The following HEXB variants were observed in gnomAD, a reference collection of about 807,000 sequenced individuals.
HEXB encodes hexosaminidase subunit beta.
Under a neutral mutation model 71.2 loss-of-function variants are expected in HEXB, and 51 were observed. The observed-to-expected ratio is 0.72, with a 90% CI of 0.57 to 0.90. HEXB has a LOEUF of 0.90. Among genes scored for constraint, HEXB ranks in the 40% least tolerant of loss-of-function variants. The pLI, the probability that HEXB is intolerant of heterozygous loss-of-function variation, is 0.00. For synonymous variants in HEXB, 266 were observed against 249.3 expected (o/e 1.07, Z -0.63); for missense variants, 617 against 677.0 (o/e 0.91, Z 0.98).
At chr5:74,664,074 G>C (rs542657969) in intron 1 of HEXB, among the ~76,000 whole-genome samples, 1 of 152,072 alleles carries the variant, frequency 6.6e-6, no homozygotes, top group African/African-American at 2.4e-5. Context: ...TGACTAACAT[G>C]GTGAAACCCC....
At chr5:74,653,558 A>G (rs1748162746) in intron 1 of HEXB, among the ~76,000 whole-genome samples, 1 of 152,184 alleles carries the variant, frequency 6.6e-6, no homozygotes, top group African/African-American at 2.4e-5. Context: ...ACTTTAAACC[A>G]TTAAATACAT....
intron 5 of HEXB, among the ~76,000 whole-genome samples, chr5:74,701,230 C>A (rs570003835): frequency 6.6e-6 from 1 of 152,190 alleles, no homozygotes; most frequent in East Asian, 1.9e-4. Flanking sequence ...TCCTTTCTAT[C>A]ATTTTTGGCT....
At chr5:74,695,744 G>A (rs1398324186) in intron 3 of HEXB, among the ~76,000 whole-genome samples, 1 of 151,068 alleles carries the variant, frequency 6.6e-6, no homozygotes, top group Non-Finnish European at 1.5e-5. Flanking sequence ...GGGAGGCTGA[G>A]GCAGGAGAAG....
upstream of HEXB, among the ~76,000 whole-genome samples, chr5:74,681,536 ATAGTGAGAC>A (rs772728250): frequency 2.6e-5 from 4 of 152,202 alleles, no homozygotes; most frequent in Non-Finnish European, 5.9e-5. Context: ...CCTGAGTAAC[ATAGTGAGAC>A]CCCATTTCTA....
intron 1 of HEXB, among the ~76,000 whole-genome samples, chr5:74,675,487 T>TA (rs1421504358): frequency 1.3e-5 from 2 of 152,134 alleles, no homozygotes; most frequent in African/African-American, 4.8e-5. Flanking sequence ...GAGGCTCCAC[T>TA]AGTTCTCTTT....
intron 1 of HEXB, among the ~76,000 whole-genome samples, chr5:74,659,339 C>T (rs937040638): frequency 6.6e-6 from 1 of 152,174 alleles, no homozygotes; most frequent in African/African-American, 2.4e-5. Flanking sequence ...GCCAGGAGCA[C>T]ATTAAGCTTG....
chr5:74,702,150 C>T (rs1259097768), intron 5 of HEXB, among the ~76,000 whole-genome samples: 1 of 132,414 alleles, frequency 7.6e-6, no homozygotes, highest in Non-Finnish European at 1.6e-5. Flanking sequence ...GGGATCTCGG[C>T]TCACTGCAAG....
chr5:74,713,641 G>T lies in HEXB; in HGVS notation c.901+6G>T, dbSNP rs1749606069. 1 of 1,609,978 alleles carries T rather than the reference G, an allele frequency of 6.2e-7. No homozygotes were observed. The highest frequency in any genetic ancestry group is 8.5e-7 in the Non-Finnish European group (1 of 1,176,414). Reference sequence around the variant, plus strand: ...TACACTATCTTGGGGAAAAGGTAAGGAGTTGTATTTTATTTCATTTTATCT... The same window carrying T: ...TACACTATCTTGGGGAAAAGGTAAGTAGTTGTATTTTATTTCATTTTATCT... On this transcript the variant is annotated splice_donor_region_variant and intron_variant, in intron 7 of 13. Coordinates refer to ENST00000261416, the MANE Select transcript of HEXB (RefSeq NM_000521.4).
intron 2 of HEXB, among the ~76,000 whole-genome samples, chr5:74,691,572 A>T (rs1170209304): frequency 6.6e-6 from 1 of 152,236 alleles, no homozygotes; most frequent in Non-Finnish European, 1.5e-5. Context: ...CTGTATAATT[A>T]TGTGTAGAGG....
At chr5:74,695,413 C>T (rs1461286032) in intron 3 of HEXB, among the ~76,000 whole-genome samples, 2 of 151,072 alleles carry the variant, frequency 1.3e-5, no homozygotes, top group Non-Finnish European at 3.0e-5. Context: ...CTGTGTTAGC[C>T]AGGATGGTCT....
chr5:74,681,540 T>G (rs1748739364), upstream of HEXB, among the ~76,000 whole-genome samples: 4 of 152,176 alleles, frequency 2.6e-5, no homozygotes, highest in South Asian at 2.1e-4. Flanking sequence ...AGTAACATAG[T>G]GAGACCCCAT....
intron 5 of HEXB, among the ~76,000 whole-genome samples, chr5:74,699,418 G>A (rs555095396): frequency 6.6e-6 from 1 of 151,982 alleles, no homozygotes; most frequent in African/African-American, 2.4e-5. Flanking sequence ...GGGATTACAG[G>A]TGCCCACCAC....
rs1749050148 is a variant in HEXB, at chr5:74,693,665, G to A, written c.472G>A (p.Ala158Thr). The A allele has an allele frequency of 6.2e-7, 1 of 1,612,880 alleles. No individual in the cohort carries two copies. The highest frequency in any genetic ancestry group is 8.5e-7 in the Non-Finnish European group (1 of 1,178,918). ...SYTLLVKEPV[A>T]VLKANRVWGA... is the part of the protein sequence containing the mutation. ...TACTTTACTTGTGAAAGAACCAGTG[G>A]CTGTCCTTAAGGCCAACAGAGTTTG... is the stretch of plus-strand genomic sequence containing the variant. The change falls in exon 3 of 14, where the codon GCT becomes ACT. Residue 158 changes from alanine to threonine, a missense_variant. By Grantham distance (58) the Ala-to-Thr change is moderately conservative. Transcript: ENST00000261416.
intron 1 of HEXB, among the ~76,000 whole-genome samples, chr5:74,664,139 C>T (rs573114464): frequency 3.9e-5 from 6 of 152,030 alleles, no homozygotes; most frequent in Admixed American, 2.6e-4. Flanking sequence ...GCCTGTAATC[C>T]GAGCTACTTG....
At chr5:74,719,017 G>A (rs1749745206) in intron 11 of HEXB, 46 bp downstream of exon 11, 1 of 1,575,410 alleles carries the variant, frequency 6.3e-7, no homozygotes, top group South Asian at 1.1e-5. Flanking sequence ...CTGTGAAGCT[G>A]ATGGTAAGTG....
intron 7 of HEXB, 129 bp downstream of exon 7, chr5:74,713,764 A>G (rs2112172344): frequency 1.3e-6 from 1 of 748,682 alleles, no homozygotes; most frequent in East Asian, 2.8e-5. Context: ...CCCAGGATCA[A>G]GCGATTCTCC....
intron 1 of HEXB, among the ~76,000 whole-genome samples, chr5:74,648,268 A>G (rs1748037254): frequency 6.6e-6 from 1 of 152,202 alleles, no homozygotes; most frequent in Admixed American, 6.5e-5. Flanking sequence ...ATTATCCCAA[A>G]TGGTCCAAGC....
intron 1 of HEXB, among the ~76,000 whole-genome samples, chr5:74,666,482 C>G (rs940332719): frequency 2.6e-5 from 4 of 152,214 alleles, no homozygotes; most frequent in African/African-American, 9.7e-5. Context: ...AAATTCTCAC[C>G]TGGATCAGTT....
chr5:74,663,723 C>G (rs946190805), intron 1 of HEXB, among the ~76,000 whole-genome samples: 1 of 152,134 alleles, frequency 6.6e-6, no homozygotes, highest in Non-Finnish European at 1.5e-5. Flanking sequence ...ACATATAGAT[C>G]AAGGGGAAAG....
Sources: allele counts gnomAD v4.1 joint callset (sites outside exome capture counted in the v4.1 genomes callset), GRCh38; gene constraint gnomAD v4.1.1; transcripts MANE v1.5; gene names NCBI Gene and HGNC (gene_info 2026-07-23, HGNC 2026-07-21).